Variants in NAT16 observed in about 807,000 individuals in gnomAD.
The protein encoded by NAT16 is probable N-acetyltransferase 16.
In NAT16, 16 loss-of-function variants were observed where a neutral mutation model predicts 15.9. The ratio of observed to expected loss-of-function variants is 1.01; its 90% CI spans 0.68 to 1.53. The LOEUF (loss-of-function observed/expected upper bound fraction) is 1.53, where lower values mean the gene tolerates loss of function less well. Ranked by LOEUF, NAT16 falls within the 40% of genes most tolerant of loss-of-function variation. The pLI, the probability that NAT16 is intolerant of heterozygous loss-of-function variation, is 0.00. For synonymous variants in NAT16, 260 were observed against 241.9 expected, an observed-to-expected ratio of 1.07 and a Z score of -0.69; for missense variants, 572 against 508.4, an observed-to-expected ratio of 1.13 and a Z score of -1.20.
In NAT16 at chr7:101,172,026, G is replaced by A. The variant is rs1797332799; in HGVS notation, c.*53C>T. ...AATGGCAGGAAAGAGGCTGGCTGGG[G>A]AAACTGCGGAAGGGGGCGGGTCTTT... On this transcript the variant is annotated 3_prime_UTR_variant, in exon 4 of 4. Transcript: ENST00000300303. The surrounding 1 kb of genome is among the most constrained non-coding windows in gnomAD (Gnocchi z 4.2). 3.0e-6 allele frequency: 4 copies of A among 1,316,890 alleles called. No homozygotes were observed. The highest frequency in any genetic ancestry group is 2.4e-5 in the East Asian group (1 of 41,424). 81.6% of individuals were successfully genotyped at this position (1,316,890 alleles called of 1,614,324 possible).
intron 2 of NAT16, 162 bp from the exon 3 acceptor site, chr7:101,173,682 G>C (rs1308858816): frequency 6.8e-6 from 4 of 584,660 alleles, no homozygotes; most frequent in Non-Finnish European, 1.2e-5. Context: ...TCAGATTACA[G>C]AGCCGGCAGA....
rs1171871160 is a variant in NAT16 at position 101,172,876 on chromosome 7, C to T, written c.538-225G>A. Among the ~76,000 whole-genome samples, 2 of 152,140 alleles carry T rather than the reference C, an allele frequency of 1.3e-5. No homozygotes were observed. Among genetic ancestry groups the T allele is most frequent in the African/African-American group, 4.8e-5 (2 of 41,450 alleles). ...GGGCACGGGCTCCCAGTACGTGGAT[C>T]CCCAAGAAGAGGTGGGATCAGTATG... On this transcript the variant is annotated intron_variant, in intron 3 of 3. Coordinates refer to ENST00000300303, the MANE Select transcript of NAT16 (RefSeq NM_198571.3). The surrounding 1 kb of genome is among the most constrained non-coding windows in gnomAD (Gnocchi z 4.2).
chr7:101,173,622 G>C, intron 2 of NAT16, 102 bp from the exon 3 acceptor site: 1 of 1,093,032 alleles, frequency 9.1e-7, no homozygotes, highest in South Asian at 1.7e-5. Flanking sequence ...AGCACTCCGC[G>C]TCACCACCCG....
chr7:101,179,784 G>GC (rs1442830772), intron 1 of NAT16, among the ~76,000 whole-genome samples: 73 of 151,458 alleles, frequency 4.8e-4, no homozygotes, highest in African/African-American at 1.5e-3. Flanking sequence ...GATCTGCTTG[G>GC]CGGGGGTTCC....
At position 101,172,274 on chromosome 7, in the gene NAT16, G is replaced by T; in HGVS notation, c.915C>A (p.Asp305Glu). ...RYLNIDAFGS[D>E]GAQVQSQLLW... Reference sequence around the variant, plus strand: ...GCAGCTGGCTCTGCACCTGCGCGCCGTCGCTACCGAAGGCGTCGATGTTGA... The same window carrying T: ...GCAGCTGGCTCTGCACCTGCGCGCCTTCGCTACCGAAGGCGTCGATGTTGA... Residue 305 changes from aspartate to glutamate, a missense_variant, in exon 4 of 4, where the codon GAC becomes GAA. Transcript: ENST00000300303. The surrounding 1 kb of genome is among the most constrained non-coding windows in gnomAD (Gnocchi z 4.2). 3 of 1,612,544 alleles carry T rather than the reference G, an allele frequency of 1.9e-6. No homozygotes were observed. In the South Asian group the frequency reaches 3.3e-5, roughly 18 times the overall value.
rs371229816 is a variant in NAT16, at chr7:101,174,509, C to G, written c.299G>C (p.Arg100Pro). 6.2e-7 allele frequency: 1 copy of G among 1,612,298 alleles called. No individual in the cohort carries two copies. Among genetic ancestry groups the G allele is most frequent in the African/African-American group, 1.3e-5 (1 of 75,032 alleles). Reference protein sequence around the residue: ...DPDRTVVLAKRNGGVIALESV... With the variant: ...DPDRTVVLAKPNGGVIALESV... ...CCCCGGGCTCACCACGCCTCCGTTG[C>G]GCTTGGCCAGCACCACCGTGCGGTC... Residue 100 changes from arginine to proline, a missense_variant, in exon 2 of 4, where the codon CGC becomes CCC. Transcript: ENST00000300303.
Position 101,179,970 on chromosome 7 carries a change from C to T in NAT16, c.-5+72G>A, listed in dbSNP as rs113795776. 915 of 152,486 alleles carry T rather than the reference C, an allele frequency of 6.0e-3. 10 individuals carry two copies. Among genetic ancestry groups the T allele is most frequent in the African/African-American group, 0.021 (863 of 41,566 alleles). 9.4% of individuals were successfully genotyped at this position (152,486 alleles called of 1,614,324 possible). The stretch of plus-strand genomic sequence containing the variant: ...GGTCCCCCTGAGGGGCGGTGGCCTT[C>T]TGCTGCCCCATTCTGCGGTGGAGGA... On this transcript the variant is annotated intron_variant, in intron 1 of 3. Transcript: ENST00000300303.
At chr7:101,174,446 C>T in intron 2 of NAT16, 50 bp downstream of exon 2, 1 of 1,526,874 alleles carries the variant, frequency 6.5e-7, no homozygotes, top group African/African-American at 1.4e-5. Flanking sequence ...GATCCACGCA[C>T]CCGCAGGTGG....
In NAT16 at chr7:101,171,922, G is replaced by T; in HGVS notation, c.*157C>A. 1 of 608,156 alleles carries T rather than the reference G, an allele frequency of 1.6e-6. No individual in the cohort carries two copies. The highest frequency in any genetic ancestry group is 2.9e-6 in the Non-Finnish European group (1 of 339,980). 37.7% of individuals were successfully genotyped at this position (608,156 alleles called of 1,614,324 possible). A position where few individuals can be genotyped will look rare whatever the true frequency, so the allele number is the denominator to read the frequency against. On this transcript the variant is annotated 3_prime_UTR_variant, in exon 4 of 4. Transcript: ENST00000300303. ...GAGGCAAGATAGTAAGGGCAAAAGG[G>T]ACAGAGTGGGGGGACCTGCGCCGGT... is the stretch of plus-strand genomic sequence containing the variant.
Position 101,172,744 on chromosome 7 carries a change from C to A in NAT16, c.538-93G>T. On this transcript the variant is annotated intron_variant, in intron 3 of 3. Coordinates refer to ENST00000300303, the MANE Select transcript of NAT16 (RefSeq NM_198571.3). This position sits in a 1 kb window ranked among gnomAD's most constrained non-coding sequence, Gnocchi z 4.2. ...GCAGGCATCTTCACTCCCACGTTCA[C>A]GCCCACGGGCTCCCACCTGGGTCCC... The A allele has an allele frequency of 9.7e-6, 10 of 1,033,280 alleles. No individual in the cohort carries two copies. Among genetic ancestry groups the A allele is most frequent in the Non-Finnish European group, 1.3e-5 (10 of 751,350 alleles). The allele number at this position is 1,033,280 out of a possible 1,614,324, so 64.0% of individuals were successfully genotyped here. A position where few individuals can be genotyped will look rare whatever the true frequency, so the allele number is the denominator to read the frequency against.
In NAT16 at chr7:101,172,172, C is replaced by T; in HGVS notation, c.1017G>A (p.Leu339=). The change falls in exon 4 of 4, where the codon CTG becomes CTA. Residue 339 remains leucine (L), a synonymous_variant. Coordinates refer to ENST00000300303, the MANE Select transcript of NAT16 (RefSeq NM_198571.3). The surrounding 1 kb of genome is among the most constrained non-coding windows in gnomAD (Gnocchi z 4.2). ...GGCAGAAGTCAGCCAGCTGTGACCA[C>T]AGCTGGGGCTCCAGGAAGAGCTGGC... ...VMCQLFLEPQ[L]WSQLADFCQV... The T allele has an allele frequency of 6.2e-7, 1 of 1,614,070 alleles. No homozygotes were observed. The highest frequency in any genetic ancestry group is 8.5e-7 in the Non-Finnish European group (1 of 1,179,976).
At chr7:101,176,769 CCT>C (rs944729527) in intron 1 of NAT16, among the ~76,000 whole-genome samples, 4 of 152,136 alleles carry the variant, frequency 2.6e-5, no homozygotes, top group Admixed American at 1.3e-4. Context: ...TCAAATCCCC[CCT>C]CTCTCTTTCA....
intron 1 of NAT16, among the ~76,000 whole-genome samples, chr7:101,179,674 G>A (rs1404912687): frequency 6.6e-6 from 1 of 150,954 alleles, no homozygotes; most frequent in Admixed American, 6.6e-5. Flanking sequence ...TGGAGAAGGG[G>A]GGGCTGTCCT....
At chr7:101,174,331 C>T (rs1044241403) in intron 2 of NAT16, 165 bp downstream of exon 2, 26 of 880,606 alleles carry the variant, frequency 3.0e-5, no homozygotes, top group Non-Finnish European at 3.5e-5. Context: ...CTGACATAGC[C>T]CCTGGATCCG....
chr7:101,171,978 T>G lies in NAT16; in HGVS notation c.*101A>C. On this transcript the variant is annotated 3_prime_UTR_variant, in exon 4 of 4. Transcript: ENST00000300303. Reference sequence around the variant, plus strand: ...CAGGAGGGCAGGAGTCAGAGGGGACTTCCCAGGAGACGCAGCGTCGGAAAT... The same window carrying G: ...CAGGAGGGCAGGAGTCAGAGGGGACGTCCCAGGAGACGCAGCGTCGGAAAT... 1.2e-6 allele frequency: 1 copy of G among 824,464 alleles called. No individual in the cohort carries two copies. The highest frequency in any genetic ancestry group is 1.7e-5 in the South Asian group (1 of 59,088). The allele number at this position is 824,464 out of a possible 1,614,324, so 51.1% of individuals were successfully genotyped here. A position where few individuals can be genotyped will look rare whatever the true frequency, so the allele number is the denominator to read the frequency against.
intron 1 of NAT16, among the ~76,000 whole-genome samples, chr7:101,175,553 G>A (rs1006478525): frequency 1.3e-5 from 2 of 151,626 alleles, no homozygotes; most frequent in Non-Finnish European, 2.9e-5. Context: ...TTAGAACCCT[G>A]TGAGATCCCC....
intron 1 of NAT16, among the ~76,000 whole-genome samples, chr7:101,175,531 A>G (rs1053442746): frequency 5.9e-5 from 9 of 151,868 alleles, no homozygotes; most frequent in African/African-American, 2.2e-4. Context: ...ATGCTCCCTA[A>G]CAGTCAGAAA....
In NAT16 at chr7:101,172,156, C is replaced by G; in HGVS notation, c.1033G>C (p.Asp345His). The G allele has an allele frequency of 6.2e-7, 1 of 1,614,112 alleles. No individual in the cohort carries two copies. Among genetic ancestry groups the G allele is most frequent in the East Asian group, 2.2e-5 (1 of 44,844 alleles). Residue 345 changes from aspartate (D) to histidine (H), a missense_variant, in exon 4 of 4, where the codon GAC becomes CAC. Physicochemically the swap from Asp to His is moderately conservative, Grantham distance 81. Transcript: ENST00000300303. This position sits in a 1 kb window ranked among gnomAD's most constrained non-coding sequence, Gnocchi z 4.2. ...LEPQLWSQLADFCQVGLGLEL... is the reference protein window; with the variant it reads ...LEPQLWSQLAHFCQVGLGLEL... Reference sequence around the variant, plus strand: ...AGTCCCAGCCCGACCTGGCAGAAGTCAGCCAGCTGTGACCACAGCTGGGGC... The same window carrying G: ...AGTCCCAGCCCGACCTGGCAGAAGTGAGCCAGCTGTGACCACAGCTGGGGC...
In NAT16 at chr7:101,172,038, G is replaced by C; in HGVS notation, c.*41C>G. On this transcript the variant is annotated 3_prime_UTR_variant, in exon 4 of 4. Transcript: ENST00000300303. This position sits in a 1 kb window ranked among gnomAD's most constrained non-coding sequence, Gnocchi z 4.2. ...GAGGCTGGCTGGGGAAACTGCGGAA[G>C]GGGGCGGGTCTTTTTCCCCCTCCCC... 1.4e-6 allele frequency: 2 copies of C among 1,401,288 alleles called. No individual in the cohort carries two copies. The highest frequency in any genetic ancestry group is 2.0e-6 in the Non-Finnish European group (2 of 1,005,882). The allele number at this position is 1,401,288 out of a possible 1,614,324, so 86.8% of individuals were successfully genotyped here.
Sources: gnomAD v4.1 joint callset for allele counts (sites outside exome capture counted in the v4.1 genomes callset) on GRCh38, gnomAD v4.1.1 for gene constraint, Gnocchi (gnomAD v3.1) non-coding constraint, MANE v1.5 for transcripts, NCBI Gene and HGNC (gene_info 2026-07-23, HGNC 2026-07-21) for gene names.